Variants in PTPRD observed in about 807,000 individuals in gnomAD.
PTPRD encodes receptor-type tyrosine-protein phosphatase delta.
PTPRD carries 34 observed loss-of-function variants against 214.5 expected under a neutral mutation model. That is an observed-to-expected ratio of 0.16 (90% CI 0.12 to 0.21). The LOEUF (loss-of-function observed/expected upper bound fraction) is 0.21. Among genes scored for constraint, PTPRD ranks in the 10% least tolerant of loss-of-function variants. The pLI is 1.00. For synonymous variants in PTPRD, 1,128 were observed against 845.7 expected (o/e 1.33, Z -5.79); for missense variants, 2,545 against 2,398.7 (o/e 1.06, Z -1.27).
At chr9:10,182,415 A>C (rs2099302918) in intron 3 of PTPRD, among the ~76,000 whole-genome samples, 1 of 152,136 alleles carries the variant, frequency 6.6e-6, no homozygotes, top group Non-Finnish European at 1.5e-5. Context: ...ATAGGGAATT[A>C]ATGACTCTTC....
intron 2 of PTPRD, among the ~76,000 whole-genome samples, chr9:10,417,143 T>A (rs1318885799): frequency 6.6e-6 from 1 of 151,876 alleles, no homozygotes; most frequent in Admixed American, 6.6e-5. Context: ...ACTAGATATG[T>A]TTCCAATTTA....
chr9:10,587,570 T>C (rs1397847835), intron 2 of PTPRD, among the ~76,000 whole-genome samples: 1 of 152,082 alleles, frequency 6.6e-6, no homozygotes, highest in Non-Finnish European at 1.5e-5. Flanking sequence ...TTGTTAAAAA[T>C]ACCTGATCCA....
At chr9:8,926,087 C>G (rs1339870568) in intron 11 of PTPRD, among the ~76,000 whole-genome samples, 1 of 151,958 alleles carries the variant, frequency 6.6e-6, no homozygotes, top group East Asian at 1.9e-4. Context: ...CACACGATTT[C>G]TAGTCATTCC....
chr9:9,800,832 G>A (rs2099034849), intron 5 of PTPRD, among the ~76,000 whole-genome samples: 1 of 152,150 alleles, frequency 6.6e-6, no homozygotes, highest in African/African-American at 2.4e-5. Context: ...CCTATAATAA[G>A]CAATTTAAAG....
intron 14 of PTPRD, among the ~76,000 whole-genome samples, chr9:8,629,743 T>TA (rs1239716382): frequency 6.6e-6 from 1 of 151,740 alleles, no homozygotes; most frequent in East Asian, 1.9e-4. Flanking sequence ...CCAAGACAAC[T>TA]AAAAAATTAA....
intron 5 of PTPRD, among the ~76,000 whole-genome samples, chr9:9,770,036 C>G (rs867276430): frequency 6.6e-6 from 1 of 152,150 alleles, no homozygotes; most frequent in Non-Finnish European, 1.5e-5. Context: ...GGTCCCAAGT[C>G]TTTGCTATTG....
chr9:10,009,190 T>C (rs1336904910), intron 4 of PTPRD, among the ~76,000 whole-genome samples: 1 of 152,000 alleles, frequency 6.6e-6, no homozygotes, highest in Admixed American at 6.6e-5. Flanking sequence ...ATGTATGCTA[T>C]ACATTTGTCA....
intron 12 of PTPRD, among the ~76,000 whole-genome samples, chr9:8,680,139 C>A (rs1565224607): frequency 6.6e-6 from 1 of 151,576 alleles, no homozygotes; most frequent in Admixed American, 6.6e-5. Context: ...TTTATATTAT[C>A]TATTTAAAAT....
At chr9:10,311,424 T>A (rs1215988964) in intron 3 of PTPRD, among the ~76,000 whole-genome samples, 2 of 152,046 alleles carry the variant, frequency 1.3e-5, no homozygotes, top group Admixed American at 6.6e-5. Context: ...TTGGCTTCGC[T>A]ACTCATTTTG....
At chr9:8,939,821 T>C (rs960354825) in intron 11 of PTPRD, among the ~76,000 whole-genome samples, 5 of 152,312 alleles carry the variant, frequency 3.3e-5, no homozygotes, top group East Asian at 3.9e-4. Flanking sequence ...GACATGGATG[T>C]TCACTTAGTG....
intron 14 of PTPRD, among the ~76,000 whole-genome samples, chr9:8,574,078 A>G (rs1381592651): frequency 2.6e-5 from 4 of 151,890 alleles, no homozygotes; most frequent in Admixed American, 2.0e-4. Flanking sequence ...TTATTGCTCC[A>G]TCTCAACTCC....
chr9:10,511,273 G>A (rs1481714162), intron 2 of PTPRD, among the ~76,000 whole-genome samples: 2 of 152,148 alleles, frequency 1.3e-5, no homozygotes, highest in Admixed American at 1.3e-4. Flanking sequence ...AATTCTCTCA[G>A]ATAAATACCT....
intron 12 of PTPRD, among the ~76,000 whole-genome samples, chr9:8,717,033 T>C (rs938265461): frequency 6.6e-6 from 1 of 152,148 alleles, no homozygotes; most frequent in Non-Finnish European, 1.5e-5. Flanking sequence ...CCAGGCATGG[T>C]GGCATGTGCC....
chr9:9,083,122 G>A (rs572793894), intron 10 of PTPRD, among the ~76,000 whole-genome samples: 13 of 152,060 alleles, frequency 8.5e-5, no homozygotes, highest in South Asian at 2.1e-4. Context: ...GAACAAAGCC[G>A]GAGGCATCAC....
At chr9:8,859,837 T>G (rs975803743) in intron 11 of PTPRD, 1 of 151,882 alleles carries the variant, frequency 6.6e-6, no homozygotes, top group Admixed American at 6.6e-5. Context: ...TGCATGATTG[T>G]CTCTTGGCTT....
At chr9:8,975,467 A>C (rs931675650) in intron 11 of PTPRD, among the ~76,000 whole-genome samples, 3 of 152,084 alleles carry the variant, frequency 2.0e-5, no homozygotes, top group African/African-American at 7.2e-5. Flanking sequence ...CAAAAGGAAG[A>C]TCTACCTTGT....
At chr9:9,216,705 T>C (rs2099952513) in intron 9 of PTPRD, among the ~76,000 whole-genome samples, 1 of 152,180 alleles carries the variant, frequency 6.6e-6, no homozygotes, top group Non-Finnish European at 1.5e-5. Context: ...TTTTGTGCCT[T>C]ATCTTTCTTT....
At chr9:8,876,226 G>GTTGTTGTTA (rs2098388436) in intron 11 of PTPRD, among the ~76,000 whole-genome samples, 1 of 151,800 alleles carries the variant, frequency 6.6e-6, no homozygotes, top group South Asian at 2.1e-4. Flanking sequence ...GTGTGTGTGT[G>GTTGTTGTTA]TTGTTGTTGT....
chr9:10,193,241 G>A (rs1186405756), intron 3 of PTPRD, among the ~76,000 whole-genome samples: 1 of 151,534 alleles, frequency 6.6e-6, no homozygotes, highest in African/African-American at 2.4e-5. Flanking sequence ...TTTTACATAA[G>A]TTACATTTCC....
Sources: gnomAD v4.1 joint callset for allele counts (sites outside exome capture counted in the v4.1 genomes callset) on GRCh38, gnomAD v4.1.1 for gene constraint, MANE v1.5 for transcripts, NCBI Gene and HGNC (gene_info 2026-07-23, HGNC 2026-07-21) for gene names.